Variants in OCIAD1 observed in about 807,000 individuals in gnomAD.
OCIAD1 encodes the protein OCIA domain-containing protein 1.
Under a neutral mutation model 38.9 loss-of-function variants are expected in OCIAD1, and 29 were observed. That is an observed-to-expected ratio of 0.74 (90% CI 0.55 to 1.02). The LOEUF is 1.02. OCIAD1 is among the 50% of genes least tolerant of loss of function. The pLI, the probability that OCIAD1 is intolerant of heterozygous loss-of-function variation, is 0.00. For missense variants in OCIAD1, 288 were observed against 289.6 expected, an observed-to-expected ratio of 0.99 and a Z score of 0.04; for synonymous variants, 110 against 92.0, an observed-to-expected ratio of 1.20 and a Z score of -1.12.
At chr4:48,830,233 G>A (rs1019505337), upstream of OCIAD1, among the ~76,000 whole-genome samples, 14 of 152,184 alleles carry the variant, frequency 9.2e-5, no homozygotes, top group African/African-American at 2.7e-4. Context: ...GAAACACAGC[G>A]TTGGATTCGT....
chr4:48,824,665 T>C (rs34160397), intron 1 of OCIAD1, among the ~76,000 whole-genome samples: 41,156 of 152,066 alleles, frequency 0.27, 5,962 homozygotes, highest in Middle Eastern at 0.31. Flanking sequence ...CCCACTGCAC[T>C]GGCCTCTTTT....
chr4:48,813,901 A>G (rs558880182), intron 1 of OCIAD1, among the ~76,000 whole-genome samples: 4 of 152,342 alleles, frequency 2.6e-5, no homozygotes, highest in African/African-American at 9.6e-5. Flanking sequence ...TTGTAAAAAT[A>G]TATGTTTTAA....
chr4:48,851,330 T>TA (rs1417476340), intron 6 of OCIAD1, among the ~76,000 whole-genome samples: 1 of 152,256 alleles, frequency 6.6e-6, no homozygotes, highest in East Asian at 1.9e-4. Flanking sequence ...CAGGACTTTT[T>TA]AAAAGTGTTT....
intron 3 of OCIAD1, among the ~76,000 whole-genome samples, chr4:48,841,210 G>A (rs1397495684): frequency 6.6e-6 from 1 of 152,124 alleles, no homozygotes; most frequent in Non-Finnish European, 1.5e-5. Context: ...GACAGAGATT[G>A]GCCCACAAAA....
chr4:48,854,455 C>A (rs1054943396), intron 7 of OCIAD1, among the ~76,000 whole-genome samples: 1 of 152,170 alleles, frequency 6.6e-6, no homozygotes, highest in Non-Finnish European at 1.5e-5. Flanking sequence ...CCCTGGAAAG[C>A]GAAACCACAG....
chr4:48,819,144 G>C (rs189284785), intron 1 of OCIAD1, among the ~76,000 whole-genome samples: 1 of 151,838 alleles, frequency 6.6e-6, no homozygotes, highest in African/African-American at 2.4e-5. Context: ...ACATGAAAAC[G>C]AAGGAAAAAA....
Position 48,833,444 on chromosome 4 carries a change from C to T in OCIAD1, c.102C>T (p.Val34=), listed in dbSNP as rs754591912. ...TTCCAACAGAGGAAGAAAGGAGAGT[C>T]TTCGCAGAATGCAATGATGAAAGCT... is the stretch of plus-strand genomic sequence containing the variant. ...DYIPTEEERR[V]FAECNDESFW... is the part of the protein sequence containing the mutation. The change falls in exon 3 of 9, where the codon GTC becomes GTT. Residue 34 remains valine (V), a synonymous_variant. Transcript: ENST00000264312. 6.2e-6 allele frequency: 10 copies of T among 1,607,530 alleles called. No individual in the cohort carries two copies. In the South Asian group the frequency reaches 1.1e-4, roughly 18 times the overall value.
chr4:48,853,130 C>T (rs1466014803), intron 7 of OCIAD1, among the ~76,000 whole-genome samples: 5 of 152,044 alleles, frequency 3.3e-5, no homozygotes, highest in South Asian at 2.1e-4. Flanking sequence ...CCGCCCGCCT[C>T]GGCCTCCCAA....
At chr4:48,822,165 C>G (rs1348226638) in intron 1 of OCIAD1, among the ~76,000 whole-genome samples, 4 of 152,160 alleles carry the variant, frequency 2.6e-5, no homozygotes, top group Admixed American at 1.3e-4. Flanking sequence ...CTACAGTAAC[C>G]AAAACAGCAT....
chr4:48,821,755 C>G (rs1579036241), intron 1 of OCIAD1, among the ~76,000 whole-genome samples: 1 of 152,096 alleles, frequency 6.6e-6, no homozygotes, highest in Admixed American at 6.6e-5. Flanking sequence ...CAACAATAGA[C>G]AAGCAGATAG....
chr4:48,853,465 T>G (rs572308349), intron 7 of OCIAD1, among the ~76,000 whole-genome samples: 1 of 152,238 alleles, frequency 6.6e-6, no homozygotes, highest in African/African-American at 2.4e-5. Flanking sequence ...ACCCCAAGGT[T>G]TGGATAAGGG....
At chr4:48,839,874 T>C (rs899394980) in intron 3 of OCIAD1, among the ~76,000 whole-genome samples, 40 of 152,320 alleles carry the variant, frequency 2.6e-4, no homozygotes, top group African/African-American at 9.1e-4. Flanking sequence ...AGATATTACA[T>C]ACTGTAGTGG....
In OCIAD1 at chr4:48,851,940, C is replaced by G; in HGVS notation, c.512C>G (p.Ser171Cys). 1 of 1,606,716 alleles carries G rather than the reference C, an allele frequency of 6.2e-7. No individual in the cohort carries two copies. The highest frequency in any genetic ancestry group is 8.5e-7 in the Non-Finnish European group (1 of 1,173,808). Residue 171 changes from serine (S) to cysteine (C), a missense_variant, in exon 7 of 9, where the codon TCT (serine) becomes TGT (cysteine). Transcript: ENST00000264312. ...PIPFSSSMNE[S>C]APTGITDHIV... ...CCATTCAGTTCTTCTATGAATGAAT[C>G]TGCTCCCACTGGTATTACTGATCAT... is the stretch of plus-strand genomic sequence containing the variant.
chr4:48,819,779 A>T lies in OCIAD1; in HGVS notation c.-102-10798A>T, dbSNP rs1350291534. On this transcript the variant is annotated intron_variant, in intron 1 of 6. Transcript: ENST00000504654. ...GCAATCCCAGTCTCTGATAAAACAG[A>T]CTTTAAACCAACAAAGATAAAAAAA... 3.3e-5 allele frequency among the ~76,000 whole-genome samples: 5 copies of T among 150,476 alleles called. No homozygotes were observed. In the East Asian group the frequency reaches 7.8e-4, roughly 23 times the overall value.
chr4:48,818,734 CCTTATGGAG>C (rs1777164641), intron 1 of OCIAD1, among the ~76,000 whole-genome samples: 1 of 151,986 alleles, frequency 6.6e-6, no homozygotes. Flanking sequence ...ACATAAATGA[CCTTATGGAG>C]CTGAAAAACA....
intron 3 of OCIAD1, among the ~76,000 whole-genome samples, chr4:48,842,044 A>G (rs542854039): frequency 6.6e-6 from 1 of 152,356 alleles, no homozygotes; most frequent in African/African-American, 2.4e-5. Context: ...GGTATCAGAC[A>G]GATTTTATTA....
chr4:48,818,457 A>T (rs1366739149), intron 1 of OCIAD1, among the ~76,000 whole-genome samples: 1 of 152,218 alleles, frequency 6.6e-6, no homozygotes, highest in Non-Finnish European at 1.5e-5. Context: ...TAAATCCACG[A>T]AGATGAGGAA....
chr4:48,850,949 A>G (rs1464466560), intron 6 of OCIAD1, among the ~76,000 whole-genome samples: 1 of 152,218 alleles, frequency 6.6e-6, no homozygotes, highest in Admixed American at 6.5e-5. Context: ...TCTCGATTCA[A>G]TTTGGCAAAC....
chr4:48,851,646 A>AGTGCACT (rs1779478244), intron 6 of OCIAD1, among the ~76,000 whole-genome samples, 160 bp from the exon 7 acceptor site: 1 of 152,182 alleles, frequency 6.6e-6, no homozygotes. Context: ...ACTGCACTAT[A>AGTGCACT]GCCTGGGTGA....
Sources: gnomAD v4.1 joint callset for allele counts (sites outside exome capture counted in the v4.1 genomes callset) on GRCh38, gnomAD v4.1.1 for gene constraint, MANE v1.5 for transcripts, NCBI Gene and HGNC (gene_info 2026-07-23, HGNC 2026-07-21) for gene names.